The following SPAG16 variants were observed in gnomAD, a reference collection of about 807,000 sequenced individuals.
SPAG16 encodes the protein sperm associated antigen 16.
A neutral mutation model predicts 80.4 loss-of-function variants in SPAG16; 86 were observed. The observed-to-expected ratio is 1.07, with a 90% CI of 0.90 to 1.28. The LOEUF is 1.28. SPAG16 is among the 50% of genes most tolerant of loss of function. SPAG16 has a pLI of 0.00. For missense variants in SPAG16, 870 were observed against 765.3 expected, an observed-to-expected ratio of 1.14 and a Z score of -1.61; for synonymous variants, 294 against 265.9, an observed-to-expected ratio of 1.11 and a Z score of -1.03.
At chr2:213,931,769 T>A (rs2106251821) in intron 12 of SPAG16, among the ~76,000 whole-genome samples, 1 of 152,274 alleles carries the variant, frequency 6.6e-6, no homozygotes, top group Non-Finnish European at 1.5e-5. Flanking sequence ...AAATTGCTTC[T>A]GATTGATGCC....
At chr2:213,938,565 C>A (rs556042569) in intron 12 of SPAG16, among the ~76,000 whole-genome samples, 1 of 151,982 alleles carries the variant, frequency 6.6e-6, no homozygotes, top group African/African-American at 2.4e-5. Context: ...ACTCCAAAAC[C>A]AAGCTTGTTT....
chr2:214,357,858 G>T (rs1698922017), intron 15 of SPAG16, among the ~76,000 whole-genome samples: 1 of 151,852 alleles, frequency 6.6e-6, no homozygotes, highest in Admixed American at 6.6e-5. Context: ...CAGGTATCTA[G>T]GGATGTTTGG....
intron 10 of SPAG16, among the ~76,000 whole-genome samples, chr2:213,542,421 G>A (rs2076477922): frequency 6.6e-6 from 1 of 152,000 alleles, no homozygotes; most frequent in South Asian, 2.1e-4. Context: ...TTAAAATAAA[G>A]AAAAATAAGA....
chr2:213,645,981 G>A (rs1206502113), intron 10 of SPAG16, among the ~76,000 whole-genome samples: 1 of 152,188 alleles, frequency 6.6e-6, no homozygotes, highest in Non-Finnish European at 1.5e-5. Context: ...GGTTCCCTCA[G>A]TGGGCCAGTG....
At chr2:214,190,134 A>G (rs989101034) in intron 15 of SPAG16, among the ~76,000 whole-genome samples, 2 of 152,046 alleles carry the variant, frequency 1.3e-5, no homozygotes, top group African/African-American at 4.8e-5. Flanking sequence ...CTCTCTACAC[A>G]GTCATACTAC....
At chr2:213,819,707 C>A (rs951626815) in intron 10 of SPAG16, among the ~76,000 whole-genome samples, 1 of 151,724 alleles carries the variant, frequency 6.6e-6, no homozygotes, top group African/African-American at 2.4e-5. Flanking sequence ...CCACACTCAG[C>A]TAAATTTGTT....
At chr2:213,774,782 G>A (rs943039464) in intron 10 of SPAG16, among the ~76,000 whole-genome samples, 2 of 152,188 alleles carry the variant, frequency 1.3e-5, no homozygotes, top group African/African-American at 4.8e-5. Flanking sequence ...TAGTGTGGCA[G>A]GCTGACTCAA....
At chr2:213,415,114 G>A (rs1054838252) in intron 9 of SPAG16, among the ~76,000 whole-genome samples, 30 of 152,212 alleles carry the variant, frequency 2.0e-4, no homozygotes, top group Admixed American at 6.5e-5. Context: ...ATTTGACTGG[G>A]AACACAGAGC....
At chr2:213,887,975 G>A in intron 11 of SPAG16, among the ~76,000 whole-genome samples, 1 of 151,858 alleles carries the variant, frequency 6.6e-6, no homozygotes, top group Non-Finnish European at 1.5e-5. Flanking sequence ...TAGAAAGATA[G>A]AGTTATTGTT....
chr2:213,558,832 A>G (rs2059512879), intron 10 of SPAG16, among the ~76,000 whole-genome samples: 2 of 152,126 alleles, frequency 1.3e-5, no homozygotes, highest in East Asian at 1.9e-4. Context: ...TTCAAAAATC[A>G]TTCGTTTTAT....
intron 15 of SPAG16, among the ~76,000 whole-genome samples, chr2:214,299,668 A>G (rs966803410): frequency 1.3e-5 from 2 of 152,220 alleles, no homozygotes; most frequent in Non-Finnish European, 2.9e-5. Flanking sequence ...TTATTTGCAT[A>G]AAATACAGCA....
chr2:213,723,288 T>C (rs946781553), intron 10 of SPAG16, among the ~76,000 whole-genome samples: 3 of 152,164 alleles, frequency 2.0e-5, no homozygotes, highest in African/African-American at 7.2e-5. Flanking sequence ...GGGATTTAGA[T>C]ACTAATTTAG....
intron 10 of SPAG16, among the ~76,000 whole-genome samples, chr2:213,810,421 G>A (rs75909787): frequency 6.6e-6 from 1 of 152,260 alleles, no homozygotes; most frequent in East Asian, 1.9e-4. Flanking sequence ...TGGCAAGGAA[G>A]TAGACTCATA....
At chr2:214,243,488 T>G (rs1310603111) in intron 15 of SPAG16, among the ~76,000 whole-genome samples, 1 of 152,088 alleles carries the variant, frequency 6.6e-6, no homozygotes, top group Admixed American at 6.6e-5. Context: ...TTAATTAATC[T>G]CATATATTGA....
intron 10 of SPAG16, among the ~76,000 whole-genome samples, chr2:213,555,869 AC>A (rs1350197138): frequency 7.2e-5 from 11 of 152,210 alleles, no homozygotes; most frequent in African/African-American, 2.7e-4. Context: ...GAAAGACAAA[AC>A]TATTAAAATA....
chr2:214,392,273 G>A (rs868535123), intron 15 of SPAG16, among the ~76,000 whole-genome samples: 2 of 151,796 alleles, frequency 1.3e-5, no homozygotes, highest in Non-Finnish European at 2.9e-5. Context: ...CTCCTACCTT[G>A]GCCTCTAGAG....
At chr2:214,338,341 C>A (rs984698723) in intron 15 of SPAG16, among the ~76,000 whole-genome samples, 2 of 151,890 alleles carry the variant, frequency 1.3e-5, no homozygotes, top group Non-Finnish European at 2.9e-5. Flanking sequence ...TGGTGAAACC[C>A]CGTCTCTCCT....
At chr2:213,725,907 C>G (rs1298846269) in intron 10 of SPAG16, among the ~76,000 whole-genome samples, 1 of 152,162 alleles carries the variant, frequency 6.6e-6, no homozygotes, top group Admixed American at 6.5e-5. Context: ...GTTTCTGGGT[C>G]AGGACATTGA....
chr2:213,347,377 C>G (rs1482138757), intron 6 of SPAG16, among the ~76,000 whole-genome samples: 12 of 152,100 alleles, frequency 7.9e-5, no homozygotes, highest in Admixed American at 7.9e-4. Context: ...TTTTGTGTCT[C>G]TATTTCCTTC....
Sources: gnomAD v4.1 joint callset for allele counts (sites outside exome capture counted in the v4.1 genomes callset) on GRCh38, gnomAD v4.1.1 for gene constraint, MANE v1.5 for transcripts, NCBI Gene and HGNC (gene_info 2026-07-23, HGNC 2026-07-21) for gene names.